USP33: variants seen among roughly 807,000 people sequenced by gnomAD.
USP33 encodes the protein ubiquitin carboxyl-terminal hydrolase 33.
Under a neutral mutation model 124.2 loss-of-function variants are expected in USP33, and 46 were observed. That is an observed-to-expected ratio of 0.37 (90% CI 0.29 to 0.47). The LOEUF is 0.47. Among genes scored for constraint, USP33 ranks in the 20% least tolerant of loss-of-function variants. USP33 has a pLI of 0.99. For missense variants in USP33, 851 were observed against 1,070.6 expected (o/e 0.79, Z 2.86); for synonymous variants, 350 against 352.3 (o/e 0.99, Z 0.07).
intron 7 of USP33, among the ~76,000 whole-genome samples, chr1:77,731,703 TTCAA>T (rs1309167092): frequency 1.3e-5 from 2 of 152,102 alleles, no homozygotes; most frequent in African/African-American, 4.8e-5. Context: ...CCACATCTTT[TTCAA>T]TGAAATCAGA....
chr1:77,751,434 C>T (rs1378905348), intron 1 of USP33, among the ~76,000 whole-genome samples: 1 of 152,098 alleles, frequency 6.6e-6, no homozygotes, highest in Non-Finnish European at 1.5e-5. Context: ...GGGAGGACTG[C>T]TTGAACCCAG....
chr1:77,752,939 CGTGGTGGT>C (rs1289659568), intron 1 of USP33, among the ~76,000 whole-genome samples: 4 of 151,738 alleles, frequency 2.6e-5, no homozygotes, highest in African/African-American at 7.3e-5. Context: ...ATTAGCAGGG[CGTGGTGGT>C]GTGCGTCTGT....
chr1:77,721,585 G>A, intron 14 of USP33: 1 of 502,914 alleles, frequency 2.0e-6, no homozygotes, highest in Non-Finnish European at 3.5e-6. Context: ...ATGGATCTCA[G>A]AACAGCTTTA....
At chr1:77,751,423 C>A (rs1031529054) in intron 1 of USP33, among the ~76,000 whole-genome samples, 2 of 152,056 alleles carry the variant, frequency 1.3e-5, no homozygotes, top group Non-Finnish European at 2.9e-5. Context: ...GAGACTGAGG[C>A]GGGAGGACTG....
chr1:77,711,827 G>A lies in USP33; in HGVS notation c.2326C>T (p.Leu776=). The A allele has an allele frequency of 1.9e-6, 3 of 1,607,236 alleles. No homozygotes were observed. Among genetic ancestry groups the A allele is most frequent in the South Asian group, 1.1e-5 (1 of 89,334 alleles). ...RYGGGPAVNH[L]YICHTCQIEA... ...ATTTGGCAAGTATGACAAATGTACAGATGGTTGACAGCTGGTCCTCCACCA... is the reference window on the plus strand; with the variant it reads ...ATTTGGCAAGTATGACAAATGTACAAATGGTTGACAGCTGGTCCTCCACCA... The change falls in exon 21 of 24, where the codon CTG becomes TTG. Residue 776 remains leucine, a synonymous_variant. Transcript: ENST00000370794.
intron 7 of USP33, among the ~76,000 whole-genome samples, chr1:77,732,600 A>G (rs1027774774): frequency 3.9e-5 from 6 of 152,118 alleles, no homozygotes; most frequent in Non-Finnish European, 7.3e-5. Flanking sequence ...TACATAACCT[A>G]GACCCATGTC....
chr1:77,747,402 G>A (rs979280860), intron 1 of USP33, among the ~76,000 whole-genome samples: 2 of 151,958 alleles, frequency 1.3e-5, no homozygotes, highest in Non-Finnish European at 2.9e-5. Flanking sequence ...CTACAGGTGT[G>A]AGCCACCCCA....
intron 16 of USP33, among the ~76,000 whole-genome samples, chr1:77,718,371 G>A (rs2101346750): frequency 6.6e-6 from 1 of 152,210 alleles, no homozygotes; most frequent in South Asian, 2.1e-4. Flanking sequence ...TTTAGACCTG[G>A]CAAGATCCTG....
intron 21 of USP33, among the ~76,000 whole-genome samples, chr1:77,702,351 T>C (rs1674138764): frequency 6.6e-6 from 1 of 152,066 alleles, no homozygotes; most frequent in Non-Finnish European, 1.5e-5. Flanking sequence ...ATACGCCACA[T>C]ATTTATTAAA....
At chr1:77,750,403 C>T (rs1385158324) in intron 1 of USP33, among the ~76,000 whole-genome samples, 2 of 151,658 alleles carry the variant, frequency 1.3e-5, no homozygotes, top group African/African-American at 4.8e-5. Flanking sequence ...GAGGCCAAGG[C>T]GGGAAGATCA....
Position 77,715,813 on chromosome 1 carries a change from A to G in USP33, c.1974T>C (p.Phe658=), listed in dbSNP as rs765726768. The G allele has an allele frequency of 1.2e-5, 20 of 1,614,022 alleles. No individual in the cohort carries two copies. In the East Asian group the frequency reaches 4.2e-4, roughly 34 times the overall value. ...AAACTTCAGTGACACTCTGATCATCAAATTCATACCAGAGATTATTTAGAT... is the reference window on the plus strand; with the variant it reads ...AAACTTCAGTGACACTCTGATCATCGAATTCATACCAGAGATTATTTAGAT... ...RNNLNNLWYE[F]DDQSVTEVSE... The change falls in exon 18 of 24, where the codon TTT becomes TTC. Residue 658 remains phenylalanine, a synonymous_variant. Transcript: ENST00000370794.
chr1:77,698,751 C>T (rs948117365), intron 22 of USP33, among the ~76,000 whole-genome samples: 2 of 152,148 alleles, frequency 1.3e-5, no homozygotes, highest in Non-Finnish European at 2.9e-5. Context: ...CCACCCCCCT[C>T]GGCCTCCCAA....
At chr1:77,717,131 C>G (rs1676007156) in intron 17 of USP33, among the ~76,000 whole-genome samples, 1 of 151,968 alleles carries the variant, frequency 6.6e-6, no homozygotes, top group Admixed American at 6.6e-5. Context: ...CCTCCCAGTG[C>G]TGGGATTACA....
intron 17 of USP33, among the ~76,000 whole-genome samples, 177 bp from the exon 18 acceptor site, chr1:77,716,045 C>T (rs1386852293): frequency 6.6e-6 from 1 of 151,922 alleles, no homozygotes; most frequent in Non-Finnish European, 1.5e-5. Context: ...GACGACAGAA[C>T]ATGTAATTTT....
chr1:77,723,758 G>A lies in USP33; in HGVS notation c.1277-315C>T, dbSNP rs902547237. ...GGCTCACTGCCAAGTTCTGCCTCCC[G>A]GGTTCATGCCATTCTCCTACCTTAG... is the stretch of plus-strand genomic sequence containing the variant. On this transcript the variant is annotated intron_variant, in intron 11 of 23. Transcript: ENST00000370794. Among the ~76,000 whole-genome samples, 5 of 151,842 alleles carry A rather than the reference G, an allele frequency of 3.3e-5. No homozygotes were observed. In the East Asian group the frequency reaches 5.8e-4, roughly 18 times the overall value.
intron 5 of USP33, among the ~76,000 whole-genome samples, chr1:77,738,206 T>C (rs539035242): frequency 6.6e-6 from 1 of 152,326 alleles, no homozygotes; most frequent in East Asian, 1.9e-4. Flanking sequence ...AAGAATGTGA[T>C]ACAAACATAC....
At chr1:77,750,669 AAAGAAAG>A (rs1557872845) in intron 1 of USP33, among the ~76,000 whole-genome samples, 1 of 151,904 alleles carries the variant, frequency 6.6e-6, no homozygotes, top group Admixed American at 6.6e-5. Flanking sequence ...AGAAAGAAAG[AAAGAAAG>A]AAAGAAAGAA....
At chr1:77,757,464 T>G (rs1324244199) in intron 1 of USP33, among the ~76,000 whole-genome samples, 1 of 152,250 alleles carries the variant, frequency 6.6e-6, no homozygotes, top group East Asian at 1.9e-4. Context: ...TTATAGATAG[T>G]TAAAAGCAAC....
intron 21 of USP33, among the ~76,000 whole-genome samples, chr1:77,704,602 T>C (rs1674409686): frequency 1.3e-5 from 2 of 152,204 alleles, no homozygotes; most frequent in African/African-American, 4.8e-5. Flanking sequence ...TGTTCTCTTT[T>C]AAAAAATACA....
Sources: gnomAD v4.1 joint callset for allele counts (sites outside exome capture counted in the v4.1 genomes callset) on GRCh38, gnomAD v4.1.1 for gene constraint, MANE v1.5 for transcripts, NCBI Gene and HGNC (gene_info 2026-07-23, HGNC 2026-07-21) for gene names.